C12orf50: variants seen among roughly 807,000 people sequenced by gnomAD.
The protein encoded by C12orf50 is zinc finger CCCH-type containing 11D, also known as uncharacterized protein C12orf50.
Under a neutral mutation model 61.6 loss-of-function variants are expected in C12orf50, and 35 were observed. The ratio of observed to expected loss-of-function variants is 0.57; its 90% CI spans 0.43 to 0.75. The LOEUF is 0.75. Ranked by LOEUF, C12orf50 falls within the 30% of genes least tolerant of loss-of-function variation. C12orf50 has a pLI of 0.00. For missense variants in C12orf50, 475 were observed against 488.5 expected, an observed-to-expected ratio of 0.97 and a Z score of 0.26; for synonymous variants, 178 against 161.5, an observed-to-expected ratio of 1.10 and a Z score of -0.77.
intron 3 of C12orf50, among the ~76,000 whole-genome samples, chr12:88,002,470 GT>G (rs2031691436): frequency 6.6e-6 from 1 of 151,772 alleles, no homozygotes; most frequent in African/African-American, 2.4e-5. Flanking sequence ...GTTAAATGGA[GT>G]GTTTTGCTGA....
At chr12:87,991,450 G>A (rs1305131011) in intron 7 of C12orf50, among the ~76,000 whole-genome samples, 1 of 152,080 alleles carries the variant, frequency 6.6e-6, no homozygotes, top group Non-Finnish European at 1.5e-5. Flanking sequence ...AGGTCAAATA[G>A]AAATTTAGAA....
rs961848630 is a variant in C12orf50 at position 87,980,233 on chromosome 12, G to A, written c.*98C>T. ...TTGGCTATCCACTACATAACATGGA[G>A]TACTTGAGTATCTCATTCTTTGAAT... is the stretch of plus-strand genomic sequence containing the variant. On this transcript the variant is annotated 3_prime_UTR_variant, in exon 13 of 13. Transcript: ENST00000298699. 2.5e-6 allele frequency: 3 copies of A among 1,195,746 alleles called. No homozygotes were observed. In the South Asian group the frequency reaches 3.8e-5, roughly 15 times the overall value. The allele number at this position is 1,195,746 out of a possible 1,614,324, so 74.1% of individuals were successfully genotyped here.
intron 3 of C12orf50, among the ~76,000 whole-genome samples, chr12:88,024,474 T>C (rs936544067): frequency 6.6e-6 from 1 of 152,222 alleles, no homozygotes; most frequent in Non-Finnish European, 1.5e-5. Context: ...TCATGTCCTT[T>C]GCAAGAACAT....
chr12:87,981,081 T>A (rs1180078858), intron 12 of C12orf50, among the ~76,000 whole-genome samples: 1 of 152,204 alleles, frequency 6.6e-6, no homozygotes, highest in African/African-American at 2.4e-5. Context: ...AAACAAACTA[T>A]TTCATTATAA....
rs2030399164 is a variant in C12orf50 at position 87,980,411 on chromosome 12, A to G, written c.1220-55T>C. On this transcript the variant is annotated intron_variant, in intron 12 of 12. Coordinates refer to ENST00000298699, the MANE Select transcript of C12orf50 (RefSeq NM_152589.3). ...TTATTTTCTTGTTTAGCGCACTGAT[A>G]TTTTGTTCTTCTTTTGCTAATTACT... 4.9e-6 allele frequency: 7 copies of G among 1,437,088 alleles called. No homozygotes were observed. In the South Asian group the frequency reaches 8.4e-5, roughly 17 times the overall value. 89.0% of individuals were successfully genotyped at this position (1,437,088 alleles called of 1,614,324 possible).
chr12:87,999,724 C>T (rs2031571995), intron 3 of C12orf50, among the ~76,000 whole-genome samples: 1 of 151,996 alleles, frequency 6.6e-6, no homozygotes, highest in African/African-American at 2.4e-5. Context: ...ATCATTTGTA[C>T]ACAAATGTTT....
chr12:88,015,426 C>G (rs996205152), intron 3 of C12orf50, among the ~76,000 whole-genome samples: 1 of 152,198 alleles, frequency 6.6e-6, no homozygotes, highest in African/African-American at 2.4e-5. Context: ...CATCACTGGA[C>G]ACTGACCTAG....
intron 3 of C12orf50, among the ~76,000 whole-genome samples, chr12:87,999,713 A>AATCATTTGTACACAAATGTT (rs2031571311): frequency 6.6e-6 from 1 of 152,190 alleles, no homozygotes; most frequent in Admixed American, 6.5e-5. Context: ...ATACAAATGT[A>AATCATTTGTACACAAATGTT]ATCATTTGTA....
chr12:88,019,589 A>C (rs187684744), intron 3 of C12orf50, among the ~76,000 whole-genome samples: 35 of 152,260 alleles, frequency 2.3e-4, no homozygotes, highest in Admixed American at 3.9e-4. Flanking sequence ...GATCATATTC[A>C]AAATCATAAG....
At chr12:87,997,847 A>G (rs2031479101) in intron 4 of C12orf50, among the ~76,000 whole-genome samples, 188 bp downstream of exon 4, 1 of 152,160 alleles carries the variant, frequency 6.6e-6, no homozygotes, top group South Asian at 2.1e-4. Context: ...AAACTTTCCA[A>G]TCCAAAAGAT....
At chr12:88,016,283 C>A (rs530042979) in intron 3 of C12orf50, among the ~76,000 whole-genome samples, 73 of 152,242 alleles carry the variant, frequency 4.8e-4, no homozygotes, top group South Asian at 1.0e-3. Flanking sequence ...AATAACCTCA[C>A]CCTAAATTTA....
intron 3 of C12orf50, among the ~76,000 whole-genome samples, chr12:88,007,356 A>G (rs2031924402): frequency 6.6e-6 from 1 of 152,206 alleles, no homozygotes; most frequent in Non-Finnish European, 1.5e-5. Context: ...CTCGTTCTGA[A>G]TATTAGTTTT....
In C12orf50 at chr12:88,017,840, T is replaced by C. The variant is rs145701594; in HGVS notation, c.133+8648A>G. Among the ~76,000 whole-genome samples, 55 of 152,324 alleles carry C rather than the reference T, an allele frequency of 3.6e-4. 1 individual carries two copies. The East Asian group carries it at 0.011, about 29-fold the overall frequency. On this transcript the variant is annotated intron_variant, in intron 3 of 12. Coordinates refer to ENST00000298699, the MANE Select transcript of C12orf50 (RefSeq NM_152589.3). The stretch of plus-strand genomic sequence containing the variant: ...CCTTCCCTAGAGATTTGTGGAACTT[T>C]GAATTTAAGAGAGATAATTTAAGGT...
intron 11 of C12orf50, chr12:87,983,768 AT>A (rs2030652294): frequency 7.0e-6 from 1 of 143,570 alleles, no homozygotes; most frequent in Non-Finnish European, 1.5e-5. Flanking sequence ...TATGTGCCAC[AT>A]TTTCTTAATC....
At position 87,996,447 on chromosome 12, in the gene C12orf50, T is replaced by C; in HGVS notation, c.408A>G (p.Ser136=). 1 of 1,613,438 alleles carries C rather than the reference T, an allele frequency of 6.2e-7. No homozygotes were observed. Among genetic ancestry groups the C allele is most frequent in the Non-Finnish European group, 8.5e-7 (1 of 1,179,574 alleles). ...CTGCTGTAGGTGTCATGCTTTTTGA[T>C]GACAAAATATCTGGAGGAGTATGAA... The part of the protein sequence containing the change: ...YRFHTPPDIL[S]SKSMTPTAEK... The change falls in exon 6 of 13, where the codon TCA becomes TCG. Residue 136 remains serine, a synonymous_variant. Transcript: ENST00000298699.
chr12:87,993,391 A>G lies in C12orf50; in HGVS notation c.592+1242T>C, dbSNP rs557630070. Among the ~76,000 whole-genome samples, 15 of 152,354 alleles carry G rather than the reference A, an allele frequency of 9.8e-5. No individual in the cohort carries two copies. In the East Asian group the frequency reaches 2.9e-3, roughly 29 times the overall value. On this transcript the variant is annotated intron_variant, in intron 7 of 12. Transcript: ENST00000298699. ...GATCCCACTTATATAGGTTAAATAGACAGTGGGAACTCCGTTAGGAGAGAC... is the reference window on the plus strand; with the variant it reads ...GATCCCACTTATATAGGTTAAATAGGCAGTGGGAACTCCGTTAGGAGAGAC...
At chr12:87,997,870 G>T (rs1430393491) in intron 4 of C12orf50, among the ~76,000 whole-genome samples, 165 bp downstream of exon 4, 3 of 152,040 alleles carry the variant, frequency 2.0e-5, no homozygotes, top group Non-Finnish European at 4.4e-5. Context: ...TAAATATGTA[G>T]CAAATTAGAA....
chr12:88,011,904 A>G (rs886915627), intron 3 of C12orf50, among the ~76,000 whole-genome samples: 3 of 152,316 alleles, frequency 2.0e-5, no homozygotes, highest in African/African-American at 7.2e-5. Flanking sequence ...TAAAACCGGT[A>G]ATATACTGGA....
chr12:87,986,044 G>A lies in C12orf50; in HGVS notation c.932C>T (p.Ala311Val), dbSNP rs1388636741. The change falls in exon 11 of 13, where the codon GCC becomes GTC. Residue 311 changes from alanine (A) to valine (V), a missense_variant. By Grantham distance (64) the Ala-to-Val change is moderately conservative. Transcript: ENST00000298699. Reference protein sequence around the residue: ...PNSGMQRAVQAPRPQNKMSYH... With the variant: ...PNSGMQRAVQVPRPQNKMSYH... Reference sequence around the variant, plus strand: ...ACTCATTTTATTTTGGGGTCTTGGGGCCTGTACTGCTGTAAAGAAAGGTGG... The same window carrying A: ...ACTCATTTTATTTTGGGGTCTTGGGACCTGTACTGCTGTAAAGAAAGGTGG... 6.2e-7 allele frequency: 1 copy of A among 1,613,554 alleles called. No homozygotes were observed. The highest frequency in any genetic ancestry group is 1.7e-5 in the Admixed American group (1 of 59,920).
Sources: gnomAD v4.1 joint callset for allele counts (sites outside exome capture counted in the v4.1 genomes callset) on GRCh38, gnomAD v4.1.1 for gene constraint, MANE v1.5 for transcripts, NCBI Gene and HGNC (gene_info 2026-07-23, HGNC 2026-07-21) for gene names.